The following PAK3 variants were observed in gnomAD, a reference collection of about 807,000 sequenced individuals.
PAK3 encodes the protein serine/threonine-protein kinase PAK 3.
In PAK3, 4 loss-of-function variants were observed where a neutral mutation model predicts 41.0. That is an observed-to-expected ratio of 0.10 (90% CI 0.05 to 0.22). The LOEUF (loss-of-function observed/expected upper bound fraction) is 0.22, where lower values mean the gene tolerates loss of function less well. Among genes scored for constraint, PAK3 ranks in the 10% least tolerant of loss-of-function variants. PAK3 has a pLI of 1.00. For synonymous variants in PAK3, 146 were observed against 139.6 expected (o/e 1.05, Z -0.32); for missense variants, 205 against 409.9 (o/e 0.50, Z 4.32).
intron 5 of PAK3, among the ~76,000 whole-genome samples, chrX:111,130,318 G>A (rs2093700433): frequency 9.0e-6 from 1 of 111,707 alleles, no homozygotes; most frequent in Non-Finnish European, 1.9e-5. Flanking sequence ...TGGGCTTGTG[G>A]TCACTCTTGC....
rs778833659 is a variant in PAK3, at chrX:110,996,371, C to A, written c.-28+51743C>A. Among the ~76,000 whole-genome samples the A allele has an allele frequency of 2.0e-4, 22 of 112,281 alleles. 1 individual carries two copies. Among genetic ancestry groups the A allele is most frequent in the Non-Finnish European group, 4.1e-4 (22 of 53,290 alleles). Reference sequence around the variant, plus strand: ...GGACATACTAAACACAAATCCCAACCATTATCAAACTTCAATTCTAGTGGA... The same window carrying A: ...GGACATACTAAACACAAATCCCAACAATTATCAAACTTCAATTCTAGTGGA... On this transcript the variant is annotated intron_variant, in intron 1 of 14. Coordinates refer to the PAK3 transcript ENST00000425146.
intron 6 of PAK3, among the ~76,000 whole-genome samples, chrX:111,144,421 T>A (rs2093915898): frequency 8.9e-6 from 1 of 111,990 alleles, no homozygotes; most frequent in Non-Finnish European, 1.9e-5. Flanking sequence ...GGTACTTTTT[T>A]AACCTGTGAT....
intron 1 of PAK3, among the ~76,000 whole-genome samples, chrX:111,002,246 T>C (rs2091859642): frequency 8.9e-6 from 1 of 111,917 alleles, no homozygotes; most frequent in South Asian, 3.8e-4. Context: ...GTACTGTTGA[T>C]ATCCCCATTT....
chrX:111,038,718 A>T (rs149561074), intron 1 of PAK3, among the ~76,000 whole-genome samples: 46 of 112,421 alleles, frequency 4.1e-4, no homozygotes, highest in African/African-American at 1.5e-3. Flanking sequence ...CTTACCTGTG[A>T]CATGAGGATA....
intron 10 of PAK3, among the ~76,000 whole-genome samples, chrX:111,164,882 T>TG (rs1464694200): frequency 9.0e-6 from 1 of 111,543 alleles, no homozygotes; most frequent in Non-Finnish European, 1.9e-5. Context: ...TATTTTTATT[T>TG]AAAAGACCTC....
chrX:111,041,147 C>T lies in PAK3; in HGVS notation c.-27-81930C>T, dbSNP rs756493263. ...AAGCTTCCCAAAGCAGGAAGCCTTG[C>T]GGTTGCAGAGCATTCTCTGAGAGAA... On this transcript the variant is annotated intron_variant, in intron 1 of 14. Coordinates refer to the PAK3 transcript ENST00000425146. Among the ~76,000 whole-genome samples, 23 of 112,746 alleles carry T rather than the reference C, an allele frequency of 2.0e-4. 1 individual carries two copies. Among genetic ancestry groups the T allele is most frequent in the South Asian group, 7.3e-4 (2 of 2,740 alleles).
chrX:111,226,805 G>A lies in PAK3; in HGVS notation c.*6358G>A, dbSNP rs2094955304. On this transcript the variant is annotated 3_prime_UTR_variant, in exon 18 of 18. Transcript: ENST00000372007. ...CAATGTGTGTGCTTGTGTGTGGTGT[G>A]CTTTATGGACCCGCAAATACCATAT... 9.0e-6 allele frequency: 1 copy of A among 111,573 alleles called. No homozygotes were observed. Among genetic ancestry groups the A allele is most frequent in the South Asian group, 3.7e-4 (1 of 2,673 alleles). 9.2% of individuals were successfully genotyped at this position (111,573 alleles called of 1,213,427 possible).
intron 4 of PAK3, among the ~76,000 whole-genome samples, chrX:111,108,003 GAC>G (rs1449507433): frequency 8.9e-6 from 1 of 112,007 alleles, no homozygotes; most frequent in African/African-American, 3.2e-5. Flanking sequence ...ATGGGTGAAA[GAC>G]ACACCTATTG....
At chrX:111,056,279 C>T (rs1387000693) in intron 1 of PAK3, among the ~76,000 whole-genome samples, 1 of 111,748 alleles carries the variant, frequency 8.9e-6, no homozygotes, top group Non-Finnish European at 1.9e-5. Context: ...AAGTGAAAGG[C>T]TCAGGTTCAG....
At chrX:111,090,211 C>T (rs187004000) in intron 1 of PAK3, among the ~76,000 whole-genome samples, 52 of 111,010 alleles carry the variant, frequency 4.7e-4, no homozygotes, top group Middle Eastern at 9.2e-3. Context: ...CTCTTTTCCC[C>T]GGACCATGCC....
rs1344580469 is a variant in PAK3 at position 111,220,482 on chromosome X, G to A, written c.*35G>A. ...CCTTACACCTCACCATCTCCCTCATGAGTAAGACTGAAATAAAACTCTGCT... is the reference window on the plus strand; with the variant it reads ...CCTTACACCTCACCATCTCCCTCATAAGTAAGACTGAAATAAAACTCTGCT... On this transcript the variant is annotated 3_prime_UTR_variant, in exon 18 of 18. Coordinates refer to ENST00000372007, the MANE Select transcript of PAK3 (RefSeq NM_002578.5). The A allele has an allele frequency of 1.1e-6, 1 of 888,457 alleles. No homozygotes were observed. Among genetic ancestry groups the A allele is most frequent in the Non-Finnish European group, 1.6e-6 (1 of 606,238 alleles). 73.2% of individuals were successfully genotyped at this position (888,457 alleles called of 1,213,427 possible).
At chrX:111,151,061 T>C (rs1010018916) in intron 7 of PAK3, among the ~76,000 whole-genome samples, 2 of 111,810 alleles carry the variant, frequency 1.8e-5, no homozygotes, top group African/African-American at 3.3e-5. Context: ...TGTTATCCAA[T>C]GTTGAAAACC....
intron 10 of PAK3, among the ~76,000 whole-genome samples, chrX:111,171,798 G>T (rs2094345036): frequency 9.0e-6 from 1 of 111,457 alleles, no homozygotes; most frequent in Admixed American, 9.5e-5. Flanking sequence ...AGATCATGAT[G>T]ACATTTACAC....
Position 111,221,369 on chromosome X carries a change from C to T in PAK3, c.*922C>T, listed in dbSNP as rs926339250. ...AGTTCAGGTTCTGAACCTAGGAAAT[C>T]CTCATAGGAGAAACCACATTTAAAC... On this transcript the variant is annotated 3_prime_UTR_variant, in exon 18 of 18. Transcript: ENST00000372007. 2 of 111,914 alleles carry T rather than the reference C, an allele frequency of 1.8e-5. No homozygotes were observed. The highest frequency in any genetic ancestry group is 5.6e-4 in the East Asian group (2 of 3,575). The allele number at this position is 111,914 out of a possible 1,213,427, so 9.2% of individuals were successfully genotyped here.
rs192235022 is a variant in PAK3, at chrX:111,130,788, G to C, written c.175+7510G>C. Among the ~76,000 whole-genome samples, 18 of 111,848 alleles carry C rather than the reference G, an allele frequency of 1.6e-4. No individual in the cohort carries two copies. The East Asian group carries it at 3.9e-3, about 24-fold the overall frequency. ...GTTACTTAGTATATTGCCATAAGAT[G>C]ATGTATTTTGGAAAGCCGTTATAGG... On this transcript the variant is annotated intron_variant, in intron 5 of 17. Transcript: ENST00000372007.
chrX:111,150,545 G>A (rs868460184), intron 7 of PAK3, among the ~76,000 whole-genome samples: 11 of 111,598 alleles, frequency 9.9e-5, no homozygotes, highest in East Asian at 8.4e-4. Context: ...TTCTTACATC[G>A]CAGCAGCAAC....
At chrX:111,101,749 G>A (rs1158604545) in intron 3 of PAK3, among the ~76,000 whole-genome samples, 8 of 111,906 alleles carry the variant, frequency 7.1e-5, no homozygotes, top group South Asian at 3.8e-4. Flanking sequence ...GGGAGGGGGC[G>A]AGTACACCAT....
chrX:111,125,081 G>T (rs1183061688), intron 5 of PAK3, among the ~76,000 whole-genome samples: 3 of 111,544 alleles, frequency 2.7e-5, no homozygotes, highest in Non-Finnish European at 3.8e-5. Context: ...TCACAATCTC[G>T]CAAAGTTTCC....
At chrX:111,087,433 AAAAG>A (rs2092896335) in intron 1 of PAK3, among the ~76,000 whole-genome samples, 1 of 109,514 alleles carries the variant, frequency 9.1e-6, no homozygotes, top group Non-Finnish European at 1.9e-5. Context: ...CAAAAAAAAA[AAAAG>A]GATTGATTAT....
Sources: allele counts gnomAD v4.1 joint callset (sites outside exome capture counted in the v4.1 genomes callset), GRCh38; gene constraint gnomAD v4.1.1; transcripts MANE v1.5; gene names NCBI Gene and HGNC (gene_info 2026-07-23, HGNC 2026-07-21).